The following ZNF354C variants were observed in gnomAD, a reference collection of about 807,000 sequenced individuals.
ZNF354C encodes zinc finger protein 354C, also known as KRAB-zinc finger protein synten.
A neutral mutation model predicts 12.4 loss-of-function variants in ZNF354C; 7 were observed. That is an observed-to-expected ratio of 0.56 (90% CI 0.32 to 1.06). The LOEUF is 1.06. Among genes scored for constraint, ZNF354C ranks in the 50% least tolerant of loss-of-function variants. ZNF354C has a pLI of 0.04. For missense variants in ZNF354C, 609 were observed against 658.0 expected, an observed-to-expected ratio of 0.93 and a Z score of 0.81; for synonymous variants, 202 against 224.5, an observed-to-expected ratio of 0.90 and a Z score of 0.90.
intron 2 of ZNF354C, among the ~76,000 whole-genome samples, chr5:179,071,746 G>T (rs927410608): frequency 6.6e-6 from 1 of 152,128 alleles, no homozygotes; most frequent in African/African-American, 2.4e-5. Flanking sequence ...GTGAGAGGAG[G>T]AATCTTGGAA....
chr5:179,075,418 C>G (rs1360149114), intron 2 of ZNF354C, among the ~76,000 whole-genome samples: 1 of 148,720 alleles, frequency 6.7e-6, no homozygotes, highest in Non-Finnish European at 1.5e-5. Flanking sequence ...AAGACTCCAT[C>G]TCAAAAAAAA....
intron 4 of ZNF354C, among the ~76,000 whole-genome samples, chr5:179,078,085 G>C (rs1425245836): frequency 6.6e-6 from 1 of 152,140 alleles, no homozygotes; most frequent in East Asian, 1.9e-4. Flanking sequence ...ACAGGTGTGA[G>C]CCACCGCGCC....
rs958181843 is a variant in ZNF354C, at chr5:179,082,656, G to A, written c.*2559G>A. On this transcript the variant is annotated 3_prime_UTR_variant, in exon 5 of 5. Transcript: ENST00000315475. ...AACTTGATCATAGTGGATTAATGAC[G>A]TGCTTTGTGGATGTGGTTAGTCAAT... The A allele has an allele frequency of 7.7e-5, 121 of 1,570,912 alleles. 1 individual carries two copies. The South Asian group carries it at 1.2e-3, about 16-fold the overall frequency.
intron 4 of ZNF354C, among the ~76,000 whole-genome samples, chr5:179,078,265 G>C (rs1762156764): frequency 6.6e-6 from 1 of 152,230 alleles, no homozygotes; most frequent in Non-Finnish European, 1.5e-5. Context: ...AGGGACATGT[G>C]AGTAAGAAGG....
In ZNF354C at chr5:179,079,296, C is replaced by G. The variant is rs1197359943; in HGVS notation, c.864C>G (p.Ile288Met). The G allele has an allele frequency of 6.2e-7, 1 of 1,614,142 alleles. No homozygotes were observed. Among genetic ancestry groups the G allele is most frequent in the Non-Finnish European group, 8.5e-7 (1 of 1,180,010 alleles). Residue 288 changes from isoleucine to methionine, a missense_variant, in exon 5 of 5, where the codon ATC becomes ATG. Physicochemically the swap from Ile to Met is conservative, Grantham distance 10 (BLOSUM62 1). Transcript: ENST00000315475. This position sits in a 1 kb window ranked among gnomAD's most constrained non-coding sequence, Gnocchi z 4.2. Reference protein sequence around the residue: ...EKAFSNSSTLIKHLRVHTGEK... With the variant: ...EKAFSNSSTLMKHLRVHTGEK... ...CATTTAGCAACAGTTCAACCCTTAT[C>G]AAACATCTGAGAGTGCATACTGGAG...
rs1160253476 is a variant in ZNF354C, at chr5:179,079,506, T to G, written c.1074T>G (p.Cys358Trp). 6.2e-7 allele frequency: 1 copy of G among 1,614,010 alleles called. No homozygotes were observed. Among genetic ancestry groups the G allele is most frequent in the Non-Finnish European group, 8.5e-7 (1 of 1,180,016 alleles). ...RIHTGEKPYK[C>W]SECGKGYSQF... Reference sequence around the variant, plus strand: ...ATACAGGTGAGAAACCCTATAAATGTAGTGAGTGTGGGAAGGGATACAGCC... The same window carrying G: ...ATACAGGTGAGAAACCCTATAAATGGAGTGAGTGTGGGAAGGGATACAGCC... Residue 358 changes from cysteine (C) to tryptophan (W), a missense_variant, in exon 5 of 5, where the codon TGT becomes TGG. By Grantham distance (215) the Cys-to-Trp change is radical. Coordinates refer to ENST00000315475, the MANE Select transcript of ZNF354C (RefSeq NM_014594.3). This position sits in a 1 kb window ranked among gnomAD's most constrained non-coding sequence, Gnocchi z 4.2.
rs944419737 is a variant in ZNF354C, at chr5:179,081,736, A to T, written c.*1639A>T. ...GTTTCTAAATGCCATTCCCCACTAA[A>T]AGGAACCAGGGTTCCTTGGAGAAAT... is the stretch of plus-strand genomic sequence containing the variant. On this transcript the variant is annotated 3_prime_UTR_variant, in exon 5 of 5. Transcript: ENST00000315475. The T allele has an allele frequency of 6.6e-6, 1 of 152,224 alleles. No homozygotes were observed. Among genetic ancestry groups the T allele is most frequent in the African/African-American group, 2.4e-5 (1 of 41,456 alleles). 9.4% of individuals were successfully genotyped at this position (152,224 alleles called of 1,614,324 possible).
chr5:179,061,898 A>G, intron 1 of ZNF354C, 117 bp from the exon 2 acceptor site: 1 of 726,144 alleles, frequency 1.4e-6, no homozygotes, highest in Non-Finnish European at 2.5e-6. Context: ...CTTGCTTTAC[A>G]TCATTACGGG....
chr5:179,069,355 CTGA>C (rs1466408671), intron 2 of ZNF354C, among the ~76,000 whole-genome samples: 1 of 152,134 alleles, frequency 6.6e-6, no homozygotes, highest in African/African-American at 2.4e-5. Flanking sequence ...TTCCTTTCTA[CTGA>C]TGATAATTCT....
rs749876696 is a variant in ZNF354C, at chr5:179,079,723, C to T, written c.1291C>T (p.Arg431Trp). Residue 431 changes from arginine to tryptophan, a missense_variant, in exon 5 of 5, where the codon CGG (arginine) becomes TGG (tryptophan). Coordinates refer to ENST00000315475, the MANE Select transcript of ZNF354C (RefSeq NM_014594.3). This position sits in a 1 kb window ranked among gnomAD's most constrained non-coding sequence, Gnocchi z 4.2. ...FNQYSSFNEHRKIHTGEKLYT... is the reference protein window; with the variant it reads ...FNQYSSFNEHWKIHTGEKLYT... ...CCAGTATTCATCCTTTAATGAACATCGGAAAATTCATACTGGGGAAAAACT... is the reference window on the plus strand; with the variant it reads ...CCAGTATTCATCCTTTAATGAACATTGGAAAATTCATACTGGGGAAAAACT... 1.7e-5 allele frequency: 28 copies of T among 1,614,060 alleles called. No homozygotes were observed. The highest frequency in any genetic ancestry group is 1.6e-4 in the Middle Eastern group (1 of 6,062).
intron 2 of ZNF354C, among the ~76,000 whole-genome samples, chr5:179,068,243 AT>A (rs1302601384): frequency 6.6e-6 from 1 of 152,190 alleles, no homozygotes; most frequent in East Asian, 1.9e-4. Context: ...GAATTTTCCC[AT>A]TAAAAAAGGA....
Position 179,069,860 on chromosome 5 carries a change from T to C in ZNF354C, c.28-6585T>C, listed in dbSNP as rs544277268. ...CAGCCTGGGCGACAGAGCAAGACTC[T>C]GTCTCAAAAACAAACAAACAAAAAA... On this transcript the variant is annotated intron_variant, in intron 2 of 4. Coordinates refer to ENST00000315475, the MANE Select transcript of ZNF354C (RefSeq NM_014594.3). Among the ~76,000 whole-genome samples, 49 of 152,224 alleles carry C rather than the reference T, an allele frequency of 3.2e-4. No individual in the cohort carries two copies. In the East Asian group the frequency reaches 5.4e-3, roughly 17 times the overall value.
In ZNF354C at chr5:179,060,879, G is replaced by T. The variant is rs1037551596; in HGVS notation, c.-55+213G>T. On this transcript the variant is annotated intron_variant, in intron 1 of 4. Coordinates refer to ENST00000315475, the MANE Select transcript of ZNF354C (RefSeq NM_014594.3). This position sits in a 1 kb window ranked among gnomAD's most constrained non-coding sequence, Gnocchi z 4.2. ...CTGCTAACAGATAGGGTGGCGGTACGCTGTTCCCGCTCTGTCAGGAGGAGA... is the reference window on the plus strand; with the variant it reads ...CTGCTAACAGATAGGGTGGCGGTACTCTGTTCCCGCTCTGTCAGGAGGAGA... Among the ~76,000 whole-genome samples the T allele has an allele frequency of 6.6e-5, 10 of 152,184 alleles. No individual in the cohort carries two copies. The highest frequency in any genetic ancestry group is 9.6e-5 in the African/African-American group (4 of 41,454).
intron 2 of ZNF354C, among the ~76,000 whole-genome samples, chr5:179,074,008 G>A (rs1017120285): frequency 5.3e-5 from 8 of 151,406 alleles, no homozygotes; most frequent in Non-Finnish European, 1.0e-4. Flanking sequence ...TTTTCAGAAA[G>A]AGTCTCGCTC....
In ZNF354C at chr5:179,077,247, T is replaced by G. The variant is rs537859868; in HGVS notation, c.250+81T>G. 48 of 1,117,670 alleles carry G rather than the reference T, an allele frequency of 4.3e-5. No homozygotes were observed. The East Asian group carries it at 8.1e-4, about 19-fold the overall frequency. 69.2% of individuals were successfully genotyped at this position (1,117,670 alleles called of 1,614,324 possible). A position where few individuals can be genotyped will look rare whatever the true frequency, so the allele number is the denominator to read the frequency against. ...CAAAGAGGCAGTTCTTGGGAAACTC[T>G]TGGAAATACTGAGTCCTCTTGAGAT... On this transcript the variant is annotated intron_variant, in intron 4 of 4. Coordinates refer to ENST00000315475, the MANE Select transcript of ZNF354C (RefSeq NM_014594.3).
chr5:179,076,346 A>G, intron 2 of ZNF354C, 99 bp from the exon 3 acceptor site: 1 of 1,551,180 alleles, frequency 6.4e-7, no homozygotes, highest in Non-Finnish European at 8.8e-7. Flanking sequence ...GAATTATTAG[A>G]ATCCTGAGAT....
intron 2 of ZNF354C, among the ~76,000 whole-genome samples, chr5:179,073,995 G>GT (rs1423556075): frequency 6.6e-6 from 1 of 151,660 alleles, no homozygotes; most frequent in East Asian, 1.9e-4. Flanking sequence ...TGTTTTGTTT[G>GT]TTTTTTCAGA....
chr5:179,066,655 A>C (rs75649946), intron 2 of ZNF354C, among the ~76,000 whole-genome samples: 46,636 of 152,086 alleles, frequency 0.31, 7,788 homozygotes, highest in South Asian at 0.42. Flanking sequence ...TCCCTCAACA[A>C]TTTAAATATT....
chr5:179,074,060 T>G (rs1023184719), intron 2 of ZNF354C, among the ~76,000 whole-genome samples: 8 of 152,112 alleles, frequency 5.3e-5, no homozygotes, highest in Non-Finnish European at 1.2e-4. Flanking sequence ...CTTGGGTCAC[T>G]GCAACCTCTA....
Sources: allele counts gnomAD v4.1 joint callset (sites outside exome capture counted in the v4.1 genomes callset), GRCh38; gene constraint gnomAD v4.1.1; non-coding constraint Gnocchi (gnomAD v3.1); transcripts MANE v1.5; gene names NCBI Gene and HGNC (gene_info 2026-07-23, HGNC 2026-07-21).